The following SDCBP variants were observed in gnomAD, a reference collection of about 807,000 sequenced individuals.
SDCBP encodes syndecan binding protein.
In SDCBP, 22 loss-of-function variants were observed where a neutral mutation model predicts 30.5. The ratio of observed to expected loss-of-function variants is 0.72; its 90% CI spans 0.52 to 1.03. The LOEUF is 1.03. SDCBP is among the 50% of genes least tolerant of loss of function. The pLI is 0.00. For missense variants in SDCBP, 304 were observed against 369.9 expected (o/e 0.82, Z 1.46); for synonymous variants, 103 against 118.7 (o/e 0.87, Z 0.86).
intron 4 of SDCBP, among the ~76,000 whole-genome samples, chr8:58,574,794 A>G (rs146151480): frequency 2.5e-3 from 384 of 152,272 alleles, no homozygotes; most frequent in Middle Eastern, 6.8e-3. Flanking sequence ...ACAAACACAC[A>G]TTGTGAAATG....
At chr8:58,573,731 C>T (rs1805167681) in intron 4 of SDCBP, among the ~76,000 whole-genome samples, 1 of 152,200 alleles carries the variant, frequency 6.6e-6, no homozygotes, top group African/African-American at 2.4e-5. Flanking sequence ...ATTCCAGTCA[C>T]TGACAAACGA....
chr8:58,581,591 G>A (rs1401561610), intron 8 of SDCBP, 95 bp from the exon 9 acceptor site: 3 of 867,922 alleles, frequency 3.5e-6, no homozygotes, highest in African/African-American at 1.7e-5. Context: ...GCTAACAGGT[G>A]CTAAATTGGA....
chr8:58,564,612 T>C (rs1187824006), intron 1 of SDCBP, among the ~76,000 whole-genome samples: 1 of 152,230 alleles, frequency 6.6e-6, no homozygotes, highest in African/African-American at 2.4e-5. Flanking sequence ...AGGCTTTTAT[T>C]GTTAGAAGGA....
chr8:58,578,774 A>G (rs1805497059), intron 6 of SDCBP, among the ~76,000 whole-genome samples: 1 of 152,208 alleles, frequency 6.6e-6, no homozygotes, highest in Non-Finnish European at 1.5e-5. Flanking sequence ...GCATTGTTAC[A>G]GTAAGCTTTG....
chr8:58,578,536 G>A (rs1467450477), intron 6 of SDCBP, among the ~76,000 whole-genome samples: 1 of 152,194 alleles, frequency 6.6e-6, no homozygotes, highest in Non-Finnish European at 1.5e-5. Flanking sequence ...TTCACACACA[G>A]TGGTCCCTCA....
At chr8:58,572,384 TTG>T (rs1285101588) in intron 4 of SDCBP, 70 bp downstream of exon 4, 13 of 1,054,490 alleles carry the variant, frequency 1.2e-5, no homozygotes, top group Non-Finnish European at 1.9e-5. Flanking sequence ...GCTTTCCTCT[TTG>T]TGGCTAACTC....
At chr8:58,559,932 C>T (rs1189116324) in intron 1 of SDCBP, among the ~76,000 whole-genome samples, 1 of 152,178 alleles carries the variant, frequency 6.6e-6, no homozygotes, top group Non-Finnish European at 1.5e-5. Context: ...CCTGGTTTTT[C>T]CCTGGGCGGG....
rs757961090 is a variant in SDCBP at position 58,579,756 on chromosome 8, A to G, written c.712A>G (p.Ile238Val). The G allele has an allele frequency of 4.3e-5, 69 of 1,611,920 alleles. No homozygotes were observed. The highest frequency in any genetic ancestry group is 5.6e-5 in the Non-Finnish European group (66 of 1,179,132). Reference protein sequence around the residue: ...ARNGLLTEHNICEINGQNVIG... With the variant: ...ARNGLLTEHNVCEINGQNVIG... ...AAATGGTCTTCTCACGGAACATAACATCTGTGAAATCAATGGACAGAATGT... is the reference window on the plus strand; with the variant it reads ...AAATGGTCTTCTCACGGAACATAACGTCTGTGAAATCAATGGACAGAATGT... The change falls in exon 7 of 9, where the codon ATC becomes GTC. Residue 238 changes from isoleucine to valine, a missense_variant. Transcript: ENST00000260130.
intron 8 of SDCBP, among the ~76,000 whole-genome samples, chr8:58,581,384 A>C (rs1003084442): frequency 1.3e-5 from 2 of 152,068 alleles, no homozygotes; most frequent in Non-Finnish European, 2.9e-5. Flanking sequence ...CTCTACCCCA[A>C]CTCATCACAG....
chr8:58,581,795 A>G lies in SDCBP; in HGVS notation c.*55A>G. 6.7e-7 allele frequency: 1 copy of G among 1,484,912 alleles called. No homozygotes were observed. The highest frequency in any genetic ancestry group is 1.1e-5 in the South Asian group (1 of 88,348). 92.0% of individuals were successfully genotyped at this position (1,484,912 alleles called of 1,614,324 possible). A position where few individuals can be genotyped will look rare whatever the true frequency, so the allele number is the denominator to read the frequency against. ...ACGTCTCCAGTTTCCTTCTTTGGCA[A>G]CTTCTGTATTATGCACGTGAAGCCT... is the stretch of plus-strand genomic sequence containing the variant. On this transcript the variant is annotated 3_prime_UTR_variant, in exon 9 of 9. Transcript: ENST00000260130.
chr8:58,573,925 T>G (rs1200973017), intron 4 of SDCBP, among the ~76,000 whole-genome samples: 2 of 152,200 alleles, frequency 1.3e-5, no homozygotes, highest in Non-Finnish European at 2.9e-5. Context: ...AGTTTCTCCT[T>G]GAAAGATGAA....
intron 2 of SDCBP, among the ~76,000 whole-genome samples, chr8:58,566,940 C>T (rs1804733989): frequency 6.6e-6 from 1 of 152,148 alleles, no homozygotes; most frequent in South Asian, 2.1e-4. Context: ...CTGACAAGAG[C>T]CTGTGGTTTC....
chr8:58,572,344 T>C (rs1805075640), intron 4 of SDCBP, 30 bp downstream of exon 4: 5 of 1,350,812 alleles, frequency 3.7e-6, no homozygotes, highest in Non-Finnish European at 5.3e-6. Context: ...TTTTGATTTA[T>C]ATAAAATCAT....
intron 3 of SDCBP, among the ~76,000 whole-genome samples, chr8:58,571,669 TA>T (rs1585698922): frequency 1.3e-5 from 2 of 152,202 alleles, no homozygotes; most frequent in East Asian, 3.8e-4. Context: ...TGTTAATATT[TA>T]AAAATACCAT....
chr8:58,581,733 A>G lies in SDCBP; in HGVS notation c.890A>G (p.Glu297Gly). The G allele has an allele frequency of 6.2e-7, 1 of 1,612,020 alleles. No individual in the cohort carries two copies. Among genetic ancestry groups the G allele is most frequent in the Non-Finnish European group, 8.5e-7 (1 of 1,179,114 alleles). Residue 297 changes from glutamate (E) to glycine (G), a missense_variant, in exon 9 of 9, where the codon GAG becomes GGG. Transcript: ENST00000260130. ...MKSLMDHTIP[E>G]V ...AGCCTAATGGACCACACCATTCCTG[A>G]GGTTTAAAATTCACGGCACCATGGA...
chr8:58,568,013 A>G (rs923869449), intron 2 of SDCBP, among the ~76,000 whole-genome samples: 18 of 152,206 alleles, frequency 1.2e-4, no homozygotes, highest in African/African-American at 3.9e-4. Context: ...ACATTATTGT[A>G]TACTGCTGTA....
intron 2 of SDCBP, among the ~76,000 whole-genome samples, chr8:58,570,500 G>C (rs1378376494): frequency 1.3e-5 from 2 of 152,018 alleles, no homozygotes; most frequent in Non-Finnish European, 2.9e-5. Flanking sequence ...ATATGGGTAA[G>C]GTTTTTTCTT....
At chr8:58,554,231 A>C (rs564705909) in intron 1 of SDCBP, among the ~76,000 whole-genome samples, 1 of 152,364 alleles carries the variant, frequency 6.6e-6, no homozygotes, top group East Asian at 1.9e-4. Context: ...CGCTTGTTTC[A>C]AAAAGAAATC....
intron 2 of SDCBP, among the ~76,000 whole-genome samples, chr8:58,567,433 C>G (rs1252369829): frequency 6.6e-6 from 1 of 152,078 alleles, no homozygotes; most frequent in Non-Finnish European, 1.5e-5. Flanking sequence ...TACAGTATAC[C>G]TTCTGTCCTC....
Sources: allele counts gnomAD v4.1 joint callset (sites outside exome capture counted in the v4.1 genomes callset), GRCh38; gene constraint gnomAD v4.1.1; transcripts MANE v1.5; gene names NCBI Gene and HGNC (gene_info 2026-07-23, HGNC 2026-07-21).